The following ENOX2 variants were observed in gnomAD, a reference collection of about 807,000 sequenced individuals.
ENOX2 encodes ecto-NOX disulfide-thiol exchanger 2.
A neutral mutation model predicts 45.0 loss-of-function variants in ENOX2; 36 were observed. That is an observed-to-expected ratio of 0.80 (90% CI 0.61 to 1.06). ENOX2 has a LOEUF of 1.06. Ranked by LOEUF, ENOX2 falls within the 50% of genes least tolerant of loss-of-function variation. The pLI is 0.00. For missense variants in ENOX2, 423 were observed against 462.5 expected (o/e 0.91, Z 0.78); for synonymous variants, 174 against 152.3 (o/e 1.14, Z -1.05).
intron 3 of ENOX2, among the ~76,000 whole-genome samples, chrX:130,731,938 G>C (rs2148294843): frequency 9.0e-6 from 1 of 111,676 alleles, no homozygotes; most frequent in East Asian, 2.8e-4. Context: ...CCTAAGATCA[G>C]GAAGAAGGTA....
intron 3 of ENOX2, among the ~76,000 whole-genome samples, chrX:130,718,775 C>A (rs758024498): frequency 1.8e-5 from 2 of 111,326 alleles, no homozygotes; most frequent in Non-Finnish European, 3.8e-5. Context: ...GTGGAAGCTT[C>A]CCCCCGCATC....
In ENOX2 at chrX:130,892,159, T is replaced by C. The variant is rs763684874; in HGVS notation, c.-183+9525A>G. Among the ~76,000 whole-genome samples the C allele has an allele frequency of 3.6e-5, 4 of 112,225 alleles. No homozygotes were observed. The East Asian group carries it at 1.1e-3, about 32-fold the overall frequency. On this transcript the variant is annotated intron_variant, in intron 2 of 14. Transcript: ENST00000394363. ...CAGCAATACAAGAAAGAAAAGGTTA[T>C]AAAGGAAAACGACACTGGGATTCAC...
chrX:130,685,506 G>A (rs1440589251), intron 5 of ENOX2, among the ~76,000 whole-genome samples: 3 of 111,743 alleles, frequency 2.7e-5, no homozygotes, highest in African/African-American at 9.8e-5. Flanking sequence ...AATGAATCAT[G>A]GCAGATACAA....
chrX:130,795,569 T>C (rs1477396880), intron 2 of ENOX2, among the ~76,000 whole-genome samples: 1 of 112,171 alleles, frequency 8.9e-6, no homozygotes, highest in Non-Finnish European at 1.9e-5. Context: ...TGACAGTATG[T>C]AAGGCTTGAG....
At chrX:130,842,945 G>A (rs1386604119) in intron 2 of ENOX2, among the ~76,000 whole-genome samples, 2 of 111,242 alleles carry the variant, frequency 1.8e-5, no homozygotes, top group Non-Finnish European at 3.8e-5. Context: ...AATAGTGTAC[G>A]TAAATTTTAT....
At position 130,728,491 on chromosome X, in the gene ENOX2, T is replaced by C. The variant is rs1056851933; in HGVS notation, c.-38-25237A>G. ...TCCTGCAAGATATGGATCTCAGCCCTGGGGAAAAGGTTCTCTCCTGGGTGC... is the reference window on the plus strand; with the variant it reads ...TCCTGCAAGATATGGATCTCAGCCCCGGGGAAAAGGTTCTCTCCTGGGTGC... On this transcript the variant is annotated intron_variant, in intron 3 of 14. Coordinates refer to ENST00000394363, the MANE Select transcript of ENOX2 (RefSeq NM_006375.4). Among the ~76,000 whole-genome samples, 15 of 111,697 alleles carry C rather than the reference T, an allele frequency of 1.3e-4. No individual in the cohort carries two copies. In the East Asian group the frequency reaches 3.9e-3, roughly 29 times the overall value.
At position 130,625,462 on chromosome X, in the gene ENOX2, A is replaced by G; in HGVS notation, c.1615-17T>C. The stretch of plus-strand genomic sequence containing the variant: ...GGTGCAGATCTGTGGGACAGAGAGA[A>G]CATCTCCATTCAAAACCAGTTCTAT... On this transcript the variant is annotated splice_polypyrimidine_tract_variant and intron_variant, in intron 14 of 14. Transcript: ENST00000394363. 1 of 1,197,611 alleles carries G rather than the reference A, an allele frequency of 8.3e-7. No individual in the cohort carries two copies. Among genetic ancestry groups the G allele is most frequent in the Non-Finnish European group, 1.1e-6 (1 of 888,183 alleles).
chrX:130,711,946 T>C (rs2038204132), intron 3 of ENOX2, among the ~76,000 whole-genome samples: 1 of 111,244 alleles, frequency 9.0e-6, no homozygotes, highest in Non-Finnish European at 1.9e-5. Flanking sequence ...ATTTGGTATG[T>C]GCCTCTCCAA....
chrX:130,720,208 A>G (rs954358284), intron 3 of ENOX2, among the ~76,000 whole-genome samples: 7 of 112,420 alleles, frequency 6.2e-5, no homozygotes, highest in Non-Finnish European at 1.1e-4. Context: ...AACTGTCATC[A>G]ATATTCTCTC....
chrX:130,840,843 G>A (rs2078004098), intron 2 of ENOX2, among the ~76,000 whole-genome samples: 2 of 111,422 alleles, frequency 1.8e-5, no homozygotes, highest in Admixed American at 1.9e-4. Context: ...CTCTAGCCTG[G>A]GTGACAGTGC....
intron 2 of ENOX2, among the ~76,000 whole-genome samples, chrX:130,814,375 G>A (rs1230564566): frequency 2.7e-5 from 3 of 112,245 alleles, no homozygotes; most frequent in Non-Finnish European, 5.6e-5. Flanking sequence ...AGATCTCCCA[G>A]CACAGCTCTC....
intron 2 of ENOX2, among the ~76,000 whole-genome samples, chrX:130,844,384 G>A (rs1319247505): frequency 9.0e-6 from 1 of 111,072 alleles, no homozygotes; most frequent in Admixed American, 9.6e-5. Context: ...CATGTATCGT[G>A]TTCATGAGAG....
At position 130,631,453 on chromosome X, in the gene ENOX2, C is replaced by A; in HGVS notation, c.1528+15G>T. 1.0e-6 allele frequency: 1 copy of A among 979,137 alleles called. No homozygotes were observed. The highest frequency in any genetic ancestry group is 1.5e-6 in the Non-Finnish European group (1 of 683,418). 80.7% of individuals were successfully genotyped at this position (979,137 alleles called of 1,213,427 possible). A position where few individuals can be genotyped will look rare whatever the true frequency, so the allele number is the denominator to read the frequency against. On this transcript the variant is annotated intron_variant, in intron 13 of 14. Coordinates refer to ENST00000394363, the MANE Select transcript of ENOX2 (RefSeq NM_006375.4). ...CCAGGCATTGTACGTGGCATGTGTG[C>A]ATTAGCTTCCTTACCCACTAGCAGT...
At chrX:130,689,228 T>C (rs766283529) in intron 4 of ENOX2, among the ~76,000 whole-genome samples, 13 of 111,976 alleles carry the variant, frequency 1.2e-4, no homozygotes, top group Non-Finnish European at 2.4e-4. Context: ...GACCAGGGCT[T>C]ATTTAAGTCT....
chrX:130,772,781 G>A (rs1340194743), intron 3 of ENOX2, among the ~76,000 whole-genome samples: 2 of 111,961 alleles, frequency 1.8e-5, no homozygotes, highest in Non-Finnish European at 3.8e-5. Flanking sequence ...TTCCTTGACC[G>A]ACCAGAAGAA....
intron 2 of ENOX2, among the ~76,000 whole-genome samples, chrX:130,879,341 G>A (rs923911987): frequency 1.8e-5 from 2 of 111,662 alleles, no homozygotes; most frequent in African/African-American, 6.5e-5. Context: ...CACAGGAAGT[G>A]TTTTCTTTAC....
intron 2 of ENOX2, among the ~76,000 whole-genome samples, chrX:130,792,481 A>C (rs1244513294): frequency 8.9e-6 from 1 of 112,637 alleles, no homozygotes; most frequent in African/African-American, 3.2e-5. Context: ...AGCTCTTTAA[A>C]TTAATTAAAA....
intron 2 of ENOX2, among the ~76,000 whole-genome samples, chrX:130,857,218 T>C (rs1203271941): frequency 2.7e-5 from 3 of 112,343 alleles, no homozygotes; most frequent in Non-Finnish European, 3.8e-5. Flanking sequence ...CCAGAAAGCA[T>C]AGAGTGTATG....
intron 11 of ENOX2, among the ~76,000 whole-genome samples, chrX:130,635,531 T>C (rs1222187055): frequency 8.9e-6 from 1 of 112,440 alleles, no homozygotes; most frequent in Non-Finnish European, 1.9e-5. Flanking sequence ...TTAGTTTCCA[T>C]ATAAGTAGGC....
Sources: allele counts gnomAD v4.1 joint callset (sites outside exome capture counted in the v4.1 genomes callset), GRCh38; gene constraint gnomAD v4.1.1; transcripts MANE v1.5; gene names NCBI Gene and HGNC (gene_info 2026-07-23, HGNC 2026-07-21).